MACROH2A1: variants seen among roughly 807,000 people sequenced by gnomAD.
MACROH2A1 encodes core histone macro-H2A.1.
In MACROH2A1, 2 loss-of-function variants were observed where a neutral mutation model predicts 31.6. The observed-to-expected ratio is 0.06, with a 90% CI of 0.03 to 0.20. The LOEUF (loss-of-function observed/expected upper bound fraction) is 0.20. Ranked by LOEUF, MACROH2A1 falls within the 10% of genes least tolerant of loss-of-function variation. MACROH2A1 has a pLI of 1.00. For synonymous variants in MACROH2A1, 169 were observed against 189.6 expected, an observed-to-expected ratio of 0.89 and a Z score of 0.89; for missense variants, 230 against 474.0, an observed-to-expected ratio of 0.49 and a Z score of 4.78.
chr5:135,368,543 T>C (rs1763801525), intron 4 of MACROH2A1, among the ~76,000 whole-genome samples: 1 of 152,242 alleles, frequency 6.6e-6, no homozygotes, highest in South Asian at 2.1e-4. Context: ...GAGGACTCCT[T>C]AAGGGGTACC....
rs1182864259 is a variant in MACROH2A1 at position 135,372,916 on chromosome 5, C to T, written c.173-2774G>A. ...AGGCCACAACGAAGTTTTGGGCCATCGGTATCTGCAGAGCCAGAATATACA... is the reference window on the plus strand; with the variant it reads ...AGGCCACAACGAAGTTTTGGGCCATTGGTATCTGCAGAGCCAGAATATACA... On this transcript the variant is annotated intron_variant, in intron 2 of 8. Transcript: ENST00000511689. 7.2e-5 allele frequency among the ~76,000 whole-genome samples: 11 copies of T among 152,308 alleles called. No individual in the cohort carries two copies. The East Asian group carries it at 1.3e-3, about 19-fold the overall frequency.
At chr5:135,340,227 A>ATTTAC (rs1252888507) in intron 8 of MACROH2A1, among the ~76,000 whole-genome samples, 1 of 152,108 alleles carries the variant, frequency 6.6e-6, no homozygotes, top group Non-Finnish European at 1.5e-5. Flanking sequence ...ACCTCAGATG[A>ATTTAC]TTTACTTAAC....
At chr5:135,340,160 G>C (rs1759560081) in intron 8 of MACROH2A1, among the ~76,000 whole-genome samples, 1 of 152,126 alleles carries the variant, frequency 6.6e-6, no homozygotes, top group South Asian at 2.1e-4. Flanking sequence ...GAGCCTAACA[G>C]CTCTGAAGCG....
chr5:135,359,267 A>G (rs545336221), intron 5 of MACROH2A1: 1 of 985,358 alleles, frequency 1.0e-6, no homozygotes, highest in East Asian at 1.1e-4. Flanking sequence ...TTCAAATGGA[A>G]GTAATGTGGA....
chr5:135,343,792 A>ATTGTT (rs146155425), intron 7 of MACROH2A1: 13,195 of 275,788 alleles, frequency 0.048, 416 homozygotes, highest in African/African-American at 0.085. Flanking sequence ...CCTCAAAATA[A>ATTGTT]TTGTTTTGGG....
intron 2 of MACROH2A1, among the ~76,000 whole-genome samples, chr5:135,371,755 G>A (rs1464651196): frequency 6.6e-6 from 1 of 152,030 alleles, no homozygotes; most frequent in Admixed American, 6.6e-5. Context: ...CTACCCTTCT[G>A]GGCCCAACTC....
At chr5:135,392,178 C>T (rs1223906700) in intron 1 of MACROH2A1, among the ~76,000 whole-genome samples, 2 of 152,216 alleles carry the variant, frequency 1.3e-5, no homozygotes, top group Admixed American at 1.3e-4. Context: ...GACATGACCA[C>T]AGCCTGGAAT....
chr5:135,355,586 A>C (rs1762085340), intron 5 of MACROH2A1: 2 of 218,670 alleles, frequency 9.1e-6, no homozygotes, highest in African/African-American at 2.3e-5. Flanking sequence ...GGATGTGTGC[A>C]TCAGGGGAAG....
chr5:135,369,710 T>G lies in MACROH2A1; in HGVS notation c.280-107A>C. 1.2e-6 allele frequency: 1 copy of G among 820,608 alleles called. No homozygotes were observed. 50.8% of individuals were successfully genotyped at this position (820,608 alleles called of 1,614,324 possible). ...TCTTGCTTTGGGTTGGTGCAGCTCC[T>G]TCCTCCATGGCATCCTCCATGAGGA... On this transcript the variant is annotated intron_variant, in intron 3 of 8. Transcript: ENST00000511689. The surrounding 1 kb of genome is among the most constrained non-coding windows in gnomAD (Gnocchi z 4.3).
chr5:135,351,455 A>ATTTTT (rs928061401), intron 6 of MACROH2A1: 2 of 127,036 alleles, frequency 1.6e-5, no homozygotes, highest in African/African-American at 6.0e-5. Context: ...GACTGCCTTT[A>ATTTTT]TTTTTTCCCC....
At chr5:135,370,971 T>C (rs990302763) in intron 2 of MACROH2A1, among the ~76,000 whole-genome samples, 7 of 152,220 alleles carry the variant, frequency 4.6e-5, no homozygotes, top group African/African-American at 1.7e-4. Context: ...AGCATCTTGA[T>C]GCCTACAACT....
intron 1 of MACROH2A1, among the ~76,000 whole-genome samples, chr5:135,390,878 A>T (rs1767136545): frequency 6.6e-6 from 1 of 152,140 alleles, no homozygotes; most frequent in Admixed American, 6.5e-5. Context: ...AATTCTGGGC[A>T]CTCTGGGGCT....
intron 5 of MACROH2A1, chr5:135,356,658 G>A (rs1164281088): frequency 6.6e-6 from 1 of 152,204 alleles, no homozygotes; most frequent in Non-Finnish European, 1.5e-5. Context: ...GTCCTCGCCT[G>A]GATGGGAGGC....
chr5:135,341,991 C>T (rs1448694066), intron 8 of MACROH2A1, among the ~76,000 whole-genome samples: 4 of 152,214 alleles, frequency 2.6e-5, no homozygotes, highest in Non-Finnish European at 5.9e-5. Context: ...GGTACTCTGT[C>T]CAAAGCAAGC....
chr5:135,340,714 C>T (rs1759685600), intron 8 of MACROH2A1, among the ~76,000 whole-genome samples: 1 of 152,236 alleles, frequency 6.6e-6, no homozygotes, highest in Non-Finnish European at 1.5e-5. Flanking sequence ...TTAATTCCAA[C>T]ATTACTTCCG....
intron 2 of MACROH2A1, among the ~76,000 whole-genome samples, chr5:135,382,283 C>T (rs920133385): frequency 6.6e-6 from 1 of 152,196 alleles, no homozygotes; most frequent in Non-Finnish European, 1.5e-5. Flanking sequence ...TATCTGCAGA[C>T]CCTGATGGTA....
chr5:135,363,238 G>A (rs1016093264), intron 4 of MACROH2A1, among the ~76,000 whole-genome samples: 1 of 152,024 alleles, frequency 6.6e-6, no homozygotes, highest in Non-Finnish European at 1.5e-5. Context: ...AGACTGGAGA[G>A]TTCCTGATTA....
At chr5:135,364,627 G>A (rs28369394) in intron 4 of MACROH2A1, among the ~76,000 whole-genome samples, 1 of 152,180 alleles carries the variant, frequency 6.6e-6, no homozygotes, top group African/African-American at 2.4e-5. Context: ...CAGAAAACCT[G>A]TTAGGTCAGA....
intron 4 of MACROH2A1, among the ~76,000 whole-genome samples, chr5:135,366,900 G>C (rs1006554927): frequency 3.3e-5 from 5 of 152,198 alleles, no homozygotes; most frequent in African/African-American, 1.2e-4. Context: ...AGCCACCCAA[G>C]TAGAGAGGAG....
Sources: gnomAD v4.1 joint callset for allele counts (sites outside exome capture counted in the v4.1 genomes callset) on GRCh38, gnomAD v4.1.1 for gene constraint, Gnocchi (gnomAD v3.1) non-coding constraint, MANE v1.5 for transcripts, NCBI Gene and HGNC (gene_info 2026-07-23, HGNC 2026-07-21) for gene names.